LYRM4: variants seen among roughly 807,000 people sequenced by gnomAD.
LYRM4 encodes LYR motif containing 4.
In LYRM4, 9 loss-of-function variants were observed where a neutral mutation model predicts 11.7. The observed-to-expected ratio is 0.77, with a 90% CI of 0.46 to 1.34. The LOEUF is 1.34. LYRM4 is among the 40% of genes most tolerant of loss of function. LYRM4 has a pLI of 0.00. For synonymous variants in LYRM4, 42 were observed against 40.4 expected (o/e 1.04, Z -0.15); for missense variants, 133 against 112.5 (o/e 1.18, Z -0.82).
chr6:5,180,815 C>T (rs1350990008), intron 2 of LYRM4, among the ~76,000 whole-genome samples: 1 of 152,204 alleles, frequency 6.6e-6, no homozygotes, highest in Non-Finnish European at 1.5e-5. Context: ...ATCTCTCTCT[C>T]CCATGTGCGC....
chr6:5,166,993 T>C (rs754380079), intron 2 of LYRM4, among the ~76,000 whole-genome samples: 1 of 152,162 alleles, frequency 6.6e-6, no homozygotes, highest in African/African-American at 2.4e-5. Context: ...ATGCTGGTTT[T>C]ATAGGTGAGA....
chr6:5,092,216 AAACT>A, the LYRM4 span, among the ~76,000 whole-genome samples: 1 of 152,294 alleles, frequency 6.6e-6, no homozygotes, highest in African/African-American at 2.4e-5. Context: ...TGTTCCTGGG[AAACT>A]AACAGCCCTT....
At chr6:5,205,521 GTATGGT>G (rs1761646063) in intron 2 of LYRM4, among the ~76,000 whole-genome samples, 1 of 152,010 alleles carries the variant, frequency 6.6e-6, no homozygotes, top group African/African-American at 2.4e-5. Flanking sequence ...AGAGAAAAAA[GTATGGT>G]CAATGTCTTA....
At chr6:5,100,923 TTTC>T (rs1352614271), downstream of LYRM4, among the ~76,000 whole-genome samples, 1 of 152,236 alleles carries the variant, frequency 6.6e-6, no homozygotes, top group Non-Finnish European at 1.5e-5. Flanking sequence ...GGATTCATTC[TTTC>T]TTCTCCATCT....
intron 2 of LYRM4, among the ~76,000 whole-genome samples, chr6:5,188,935 T>G (rs910553284): frequency 3.9e-5 from 6 of 152,066 alleles, no homozygotes; most frequent in African/African-American, 1.4e-4. Context: ...ATTTTTATAT[T>G]TTTTTGTAGA....
At chr6:5,090,500 T>A in the LYRM4 span, among the ~76,000 whole-genome samples, 2 of 152,196 alleles carry the variant, frequency 1.3e-5, no homozygotes, top group Admixed American at 6.5e-5. This position sits in a 1 kb window ranked among gnomAD's most constrained non-coding sequence, Gnocchi z 4.8. Context: ...GAAGTCTCTG[T>A]CCAGGGCAGC....
chr6:5,098,160 T>A, the LYRM4 span, among the ~76,000 whole-genome samples: 1 of 152,142 alleles, frequency 6.6e-6, no homozygotes. Context: ...CACGCCTACA[T>A]CTACAGATAG....
intron 2 of LYRM4, among the ~76,000 whole-genome samples, chr6:5,134,881 G>C (rs907428898): frequency 6.6e-6 from 1 of 152,080 alleles, no homozygotes; most frequent in Non-Finnish European, 1.5e-5. Context: ...CTCTCCCTTG[G>C]TAACGGCACT....
intron 2 of LYRM4, among the ~76,000 whole-genome samples, chr6:5,168,082 G>C (rs1016689298): frequency 2.0e-5 from 3 of 150,298 alleles, no homozygotes; most frequent in Non-Finnish European, 4.4e-5. Context: ...CTGAATAAGA[G>C]AGAATCCATG....
At chr6:5,217,146 C>A (rs1290358418) in intron 1 of LYRM4, among the ~76,000 whole-genome samples, 1 of 152,190 alleles carries the variant, frequency 6.6e-6, no homozygotes, top group Admixed American at 6.5e-5. Context: ...ATGCGAGACC[C>A]TGTCTTAAAA....
intron 2 of LYRM4, among the ~76,000 whole-genome samples, chr6:5,203,351 G>A (rs1257266642): frequency 6.6e-6 from 1 of 152,212 alleles, no homozygotes; most frequent in Non-Finnish European, 1.5e-5. Context: ...GTAGTCTGCT[G>A]CCTGGGACAG....
At chr6:5,119,667 G>A (rs370668901) in intron 2 of LYRM4, among the ~76,000 whole-genome samples, 1 of 151,776 alleles carries the variant, frequency 6.6e-6, no homozygotes, top group Non-Finnish European at 1.5e-5. Context: ...GCCCATGCCT[G>A]TAATCCCAGC....
At position 5,218,364 on chromosome 6, in the gene LYRM4, G is replaced by A. The variant is rs140932935; in HGVS notation, c.87-1626C>T. 749 of 985,032 alleles carry A rather than the reference G, an allele frequency of 7.6e-4. 15 individuals are homozygous for A. In the Admixed American group the frequency reaches 0.024, roughly 32 times the overall value. The allele number at this position is 985,032 out of a possible 1,614,324, so 61.0% of individuals were successfully genotyped here. A position where few individuals can be genotyped will look rare whatever the true frequency, so the allele number is the denominator to read the frequency against. On this transcript the variant is annotated intron_variant, in intron 1 of 2. Coordinates refer to ENST00000330636, the MANE Select transcript of LYRM4 (RefSeq NM_020408.6). ...ATATAAATTTCCTTGGGAGCAGCGCGGAGGGGGTGTTGGGAGCTCATATAA... is the reference window on the plus strand; with the variant it reads ...ATATAAATTTCCTTGGGAGCAGCGCAGAGGGGGTGTTGGGAGCTCATATAA...
At chr6:5,128,011 C>T (rs1191401328) in intron 2 of LYRM4, among the ~76,000 whole-genome samples, 1 of 152,124 alleles carries the variant, frequency 6.6e-6, no homozygotes, top group Non-Finnish European at 1.5e-5. Flanking sequence ...GACATCCTGC[C>T]GAATTATAGG....
In LYRM4 at chr6:5,186,337, C is replaced by T. The variant is rs561722638; in HGVS notation, c.207+30281G>A. 9.2e-5 allele frequency among the ~76,000 whole-genome samples: 14 copies of T among 152,232 alleles called. No individual in the cohort carries two copies. In the East Asian group the frequency reaches 1.4e-3, roughly 15 times the overall value. On this transcript the variant is annotated intron_variant, in intron 2 of 2. Coordinates refer to ENST00000330636, the MANE Select transcript of LYRM4 (RefSeq NM_020408.6). Reference sequence around the variant, plus strand: ...CAGAGGAAAACGTGGTAACTCGGAGCAAAGCAGACCAGTCACTTCAGCAAA... The same window carrying T: ...CAGAGGAAAACGTGGTAACTCGGAGTAAAGCAGACCAGTCACTTCAGCAAA...
intron 2 of LYRM4, chr6:5,144,025 C>G: frequency 7.9e-7 from 1 of 1,269,254 alleles, no homozygotes; most frequent in East Asian, 2.6e-5. Flanking sequence ...AAAGAAGCCC[C>G]TGACATCAAA....
chr6:5,106,962 C>G (rs1581276613), downstream of LYRM4: 1 of 152,232 alleles, frequency 6.6e-6, no homozygotes, highest in Non-Finnish European at 1.5e-5. Context: ...AGGGGTCACC[C>G]CCATGGGAAT....
intron 2 of LYRM4, among the ~76,000 whole-genome samples, chr6:5,128,629 C>CTTCCCTCCTCTT (rs1425554858): frequency 6.6e-6 from 1 of 152,042 alleles, no homozygotes; most frequent in East Asian, 1.9e-4. Flanking sequence ...GGAGAAGATG[C>CTTCCCTCCTCTT]TTCCCTCCTC....
At chr6:5,174,114 T>C (rs1759583839) in intron 2 of LYRM4, among the ~76,000 whole-genome samples, 1 of 152,234 alleles carries the variant, frequency 6.6e-6, no homozygotes, top group African/African-American at 2.4e-5. Context: ...TCTCTTTTGT[T>C]GTCAGACCTG....
Sources: allele counts gnomAD v4.1 joint callset (sites outside exome capture counted in the v4.1 genomes callset), GRCh38; gene constraint gnomAD v4.1.1; non-coding constraint Gnocchi (gnomAD v3.1); transcripts MANE v1.5; gene names NCBI Gene and HGNC (gene_info 2026-07-23, HGNC 2026-07-21).